NHS: variants seen among roughly 807,000 people sequenced by gnomAD.
NHS encodes the protein NHS actin remodeling regulator.
NHS carries 5 observed loss-of-function variants against 72.5 expected under a neutral mutation model. The observed-to-expected ratio is 0.07, with a 90% CI of 0.04 to 0.14. NHS has a LOEUF of 0.14. NHS is among the 10% of genes least tolerant of loss of function. The probability of loss-of-function intolerance (pLI) is 1.00; values close to 1 mark genes in which losing one functional copy is unlikely to be tolerated. For synonymous variants in NHS, 464 were observed against 547.7 expected, an observed-to-expected ratio of 0.85 and a Z score of 2.13; for missense variants, 1,072 against 1,355.7, an observed-to-expected ratio of 0.79 and a Z score of 3.29.
rs759657309 is a variant in NHS, at chrX:17,732,979, ATTATC to A, written c.*517_*521del. On this transcript the variant is annotated 3_prime_UTR_variant, in exon 9 of 9. Transcript: ENST00000676302. The stretch of plus-strand genomic sequence containing the variant: ...TCAATGATGAGTGGACATGTGGTCA[ATTATC>A]TACTGCACACCAACTGTTTATAGAA... 34 of 131,657 alleles carry A rather than the reference ATTATC, an allele frequency of 2.6e-4. No homozygotes were observed. Among genetic ancestry groups the A allele is most frequent in the African/African-American group, 1.0e-3 (32 of 31,507 alleles). 10.9% of individuals were successfully genotyped at this position (131,657 alleles called of 1,213,427 possible).
At chrX:17,400,125 T>C (rs777349608) in intron 1 of NHS, among the ~76,000 whole-genome samples, 6 of 111,841 alleles carry the variant, frequency 5.4e-5, no homozygotes, top group African/African-American at 1.9e-4. Flanking sequence ...AGTAAAAGCA[T>C]CTTTACTCAC....
chrX:17,678,731 A>G (rs747092722), intron 1 of NHS, among the ~76,000 whole-genome samples: 10 of 108,731 alleles, frequency 9.2e-5, no homozygotes, highest in Admixed American at 1.9e-4. Context: ...AACCATATCA[A>G]AGAGAGAGAG....
intron 1 of NHS, among the ~76,000 whole-genome samples, chrX:17,482,321 G>A (rs2064949261): frequency 1.8e-5 from 2 of 111,665 alleles, no homozygotes; most frequent in Non-Finnish European, 3.8e-5. Flanking sequence ...ACATGACAAA[G>A]TATTAACTGC....
rs763390078 is a variant in NHS, at chrX:17,575,937, A to G, written c.566-111805A>G. Reference sequence around the variant, plus strand: ...CACGAGCAAAGGCCTGTCTCATTCCAGAGAGTGGTACCCTCCTTGGAATTT... The same window carrying G: ...CACGAGCAAAGGCCTGTCTCATTCCGGAGAGTGGTACCCTCCTTGGAATTT... On this transcript the variant is annotated intron_variant, in intron 1 of 8. Transcript: ENST00000676302. Among the ~76,000 whole-genome samples, 8 of 111,923 alleles carry G rather than the reference A, an allele frequency of 7.1e-5. No individual in the cohort carries two copies. The East Asian group carries it at 2.3e-3, about 32-fold the overall frequency.
intron 1 of NHS, among the ~76,000 whole-genome samples, chrX:17,671,710 T>C (rs1490027152): frequency 8.9e-6 from 1 of 111,874 alleles, no homozygotes; most frequent in Non-Finnish European, 1.9e-5. Context: ...TTAACCCAGG[T>C]CCCCGATTCA....
chrX:17,502,723 A>C (rs1249735714), intron 1 of NHS, among the ~76,000 whole-genome samples: 1 of 15,804 alleles, frequency 6.3e-5, no homozygotes, highest in Non-Finnish European at 1.7e-4. Context: ...CGGGAGGCGG[A>C]GCTTGCAGTG....
At chrX:17,400,969 C>T (rs900003332) in intron 1 of NHS, among the ~76,000 whole-genome samples, 7 of 112,272 alleles carry the variant, frequency 6.2e-5, no homozygotes, top group Non-Finnish European at 1.3e-4. Flanking sequence ...GGAGAACTCA[C>T]ACTTCCCAGT....
intron 1 of NHS, among the ~76,000 whole-genome samples, chrX:17,631,892 A>C (rs1345745668): frequency 8.9e-6 from 1 of 112,021 alleles, no homozygotes; most frequent in Non-Finnish European, 1.9e-5. Context: ...CACTATCCCT[A>C]GACTGTGGCC....
intron 1 of NHS, among the ~76,000 whole-genome samples, chrX:17,380,501 C>T (rs1272617986): frequency 9.1e-6 from 1 of 110,042 alleles, no homozygotes; most frequent in Non-Finnish European, 1.9e-5. Flanking sequence ...TACAGGTGTG[C>T]ACCACTACGC....
intron 8 of NHS, among the ~76,000 whole-genome samples, chrX:17,731,149 A>C (rs2066483969): frequency 9.3e-6 from 1 of 107,707 alleles, no homozygotes; most frequent in Non-Finnish European, 1.9e-5. Context: ...GCAGAGACAG[A>C]GTTAATAAGA....
At position 17,495,865 on chromosome X, in the gene NHS, A is replaced by G. The variant is rs183444875; in HGVS notation, c.565+119543A>G. On this transcript the variant is annotated intron_variant, in intron 1 of 8. Coordinates refer to ENST00000676302, the MANE Select transcript of NHS (RefSeq NM_001291867.2). ...CTGAGAAGTCACACAGAGAATGGTG[A>G]GGTAACCTGGAGTTTAGCAATGGTA... is the stretch of plus-strand genomic sequence containing the variant. Among the ~76,000 whole-genome samples, 52 of 111,554 alleles carry G rather than the reference A, an allele frequency of 4.7e-4. 1 individual carries two copies. In the East Asian group the frequency reaches 0.012, roughly 25 times the overall value.
chrX:17,601,546 G>T (rs1487922090), intron 1 of NHS, among the ~76,000 whole-genome samples: 1 of 111,806 alleles, frequency 8.9e-6, no homozygotes, highest in Non-Finnish European at 1.9e-5. Flanking sequence ...TGATGGAAAG[G>T]AGCCATCATC....
At chrX:17,669,548 C>T (rs992680520) in intron 1 of NHS, among the ~76,000 whole-genome samples, 2 of 112,023 alleles carry the variant, frequency 1.8e-5, no homozygotes, top group Admixed American at 9.5e-5. Flanking sequence ...GAAACAACAA[C>T]AACAACAAGA....
At chrX:17,488,135 C>T (rs2064974726) in intron 1 of NHS, among the ~76,000 whole-genome samples, 1 of 111,426 alleles carries the variant, frequency 9.0e-6, no homozygotes, top group Admixed American at 9.6e-5. Flanking sequence ...CAGGAGTTTC[C>T]GCTACGGGTA....
At chrX:17,704,566 G>C (rs1283582663) in intron 3 of NHS, among the ~76,000 whole-genome samples, 1 of 111,385 alleles carries the variant, frequency 9.0e-6, no homozygotes, top group Non-Finnish European at 1.9e-5. Context: ...CCAAAATGCT[G>C]GGATTACAGG....
chrX:17,410,514 TG>T (rs1328483488), intron 1 of NHS, among the ~76,000 whole-genome samples: 1 of 100,550 alleles, frequency 9.9e-6, no homozygotes, highest in African/African-American at 3.8e-5. Flanking sequence ...GGCAACTCTC[TG>T]CTTTTTTTTT....
chrX:17,443,415 A>G (rs2146883835), intron 1 of NHS, among the ~76,000 whole-genome samples: 1 of 111,491 alleles, frequency 9.0e-6, no homozygotes, highest in East Asian at 2.8e-4. Flanking sequence ...TCCTCTCCCC[A>G]TAGCTTGACT....
chrX:17,400,134 A>G (rs2064496278), intron 1 of NHS, among the ~76,000 whole-genome samples: 1 of 112,133 alleles, frequency 8.9e-6, no homozygotes, highest in African/African-American at 3.2e-5. Context: ...ATCTTTACTC[A>G]CAGATGACAT....
chrX:17,514,893 G>C lies in NHS; in HGVS notation c.565+138571G>C, dbSNP rs753607787. Among the ~76,000 whole-genome samples the C allele has an allele frequency of 2.7e-5, 3 of 111,633 alleles. No homozygotes were observed. In the East Asian group the frequency reaches 8.4e-4, roughly 31 times the overall value. ...GGCTTAGAAGCAACAAAGTTCTCTG[G>C]ATAAGCAGAAATGTGTGGGGGGGCA... is the stretch of plus-strand genomic sequence containing the variant. On this transcript the variant is annotated intron_variant, in intron 1 of 8. Transcript: ENST00000676302.
Sources: allele counts gnomAD v4.1 joint callset (sites outside exome capture counted in the v4.1 genomes callset), GRCh38; gene constraint gnomAD v4.1.1; transcripts MANE v1.5; gene names NCBI Gene and HGNC (gene_info 2026-07-23, HGNC 2026-07-21).